CDH12: variants seen among roughly 807,000 people sequenced by gnomAD.
The protein encoded by CDH12 is cadherin-12.
A neutral mutation model predicts 74.1 loss-of-function variants in CDH12; 41 were observed. The observed-to-expected ratio is 0.55, with a 90% CI of 0.43 to 0.72. The LOEUF is 0.72. Among genes scored for constraint, CDH12 ranks in the 30% least tolerant of loss-of-function variants. The probability of loss-of-function intolerance (pLI) is 0.00; values close to 1 mark genes in which losing one functional copy is unlikely to be tolerated. For synonymous variants in CDH12, 399 were observed against 355.0 expected, an observed-to-expected ratio of 1.12 and a Z score of -1.39; for missense variants, 945 against 977.2, an observed-to-expected ratio of 0.97 and a Z score of 0.44.
intron 1 of CDH12, among the ~76,000 whole-genome samples, chr5:22,633,807 A>C (rs1280410585): frequency 1.3e-5 from 2 of 152,146 alleles, no homozygotes; most frequent in Non-Finnish European, 2.9e-5. Flanking sequence ...GGACTTCTCA[A>C]CTTCTACAAT....
intron 1 of CDH12, among the ~76,000 whole-genome samples, chr5:22,630,518 G>T (rs898175978): frequency 6.6e-6 from 1 of 152,010 alleles, no homozygotes; most frequent in Non-Finnish European, 1.5e-5. Flanking sequence ...ATCTTCAACG[G>T]TTGGCCAAAA....
rs76243310 is a variant in CDH12 at position 22,735,888 on chromosome 5, G to A, written c.-523+117170C>T. ...AATTAATCTGGAGAAGTGTCTATAC[G>A]AAAAGTTATAAGATAGTCTTTAAGA... On this transcript the variant is annotated intron_variant, in intron 1 of 14. Coordinates refer to ENST00000382254, the MANE Select transcript of CDH12 (RefSeq NM_004061.5). Among the ~76,000 whole-genome samples, 36 of 151,846 alleles carry A rather than the reference G, an allele frequency of 2.4e-4. No individual in the cohort carries two copies. In the East Asian group the frequency reaches 6.0e-3, roughly 25 times the overall value.
At chr5:22,083,605 C>T (rs1325052681) in intron 4 of CDH12, among the ~76,000 whole-genome samples, 2 of 152,048 alleles carry the variant, frequency 1.3e-5, no homozygotes, top group Non-Finnish European at 2.9e-5. Flanking sequence ...ATGTTCTATG[C>T]CTATATAACA....
At chr5:22,062,373 C>T (rs1407652858) in intron 5 of CDH12, among the ~76,000 whole-genome samples, 2 of 152,076 alleles carry the variant, frequency 1.3e-5, no homozygotes, top group Non-Finnish European at 2.9e-5. Context: ...AGCCATTTTC[C>T]TCTTAAATGT....
intron 6 of CDH12, among the ~76,000 whole-genome samples, chr5:21,974,263 A>T (rs906267827): frequency 6.6e-5 from 10 of 151,596 alleles, no homozygotes; most frequent in African/African-American, 2.2e-4. Flanking sequence ...TTTATCTTCC[A>T]AATGTAATAA....
At chr5:21,879,775 T>C (rs948879361) in intron 6 of CDH12, among the ~76,000 whole-genome samples, 2 of 152,292 alleles carry the variant, frequency 1.3e-5, no homozygotes, top group African/African-American at 2.4e-5. Flanking sequence ...AGATTACCCA[T>C]GAATTTATTT....
chr5:21,939,838 T>C (rs1449740459), intron 6 of CDH12, among the ~76,000 whole-genome samples: 2 of 152,188 alleles, frequency 1.3e-5, no homozygotes, highest in Non-Finnish European at 2.9e-5. Flanking sequence ...TGTATACACA[T>C]TTTTGCCTTG....
intron 1 of CDH12, among the ~76,000 whole-genome samples, chr5:22,823,771 C>G (rs1398596858): frequency 6.6e-6 from 1 of 151,902 alleles, no homozygotes; most frequent in Non-Finnish European, 1.5e-5. Context: ...GGCAGTTTCC[C>G]CAGGGCTTTT....
In CDH12 at chr5:22,038,459, G is replaced by T. The variant is rs191831488; in HGVS notation, c.231+39987C>A. 3.2e-3 allele frequency among the ~76,000 whole-genome samples: 486 copies of T among 152,230 alleles called. 11 individuals are homozygous for T. The highest frequency in any genetic ancestry group is 0.027 in the Admixed American group (411 of 15,288). ...CCACTGCTGCATCCTGCACATCAGG[G>T]CCCAGGCTAAAGCTGCACAACCCCT... On this transcript the variant is annotated intron_variant, in intron 5 of 14. Transcript: ENST00000382254.
chr5:22,570,303 C>T (rs938027512), intron 1 of CDH12, among the ~76,000 whole-genome samples: 12 of 152,058 alleles, frequency 7.9e-5, no homozygotes, highest in African/African-American at 2.7e-4. Context: ...CCTGCCTCGG[C>T]CTCCTGAAGT....
At chr5:22,665,966 C>G (rs1740591536) in intron 1 of CDH12, among the ~76,000 whole-genome samples, 1 of 152,032 alleles carries the variant, frequency 6.6e-6, no homozygotes, top group Non-Finnish European at 1.5e-5. Flanking sequence ...TCCCACTTGA[C>G]TCAATGTTAA....
At chr5:22,637,233 C>G (rs1738888045) in intron 1 of CDH12, among the ~76,000 whole-genome samples, 1 of 152,170 alleles carries the variant, frequency 6.6e-6, no homozygotes, top group South Asian at 2.1e-4. Flanking sequence ...CAATGTAAGG[C>G]TACAATTATT....
chr5:22,779,662 A>C (rs1344523725), intron 1 of CDH12, among the ~76,000 whole-genome samples: 1 of 151,968 alleles, frequency 6.6e-6, no homozygotes, highest in Non-Finnish European at 1.5e-5. Flanking sequence ...TTCTCATGAG[A>C]TCTGATGATT....
intron 3 of CDH12, among the ~76,000 whole-genome samples, chr5:22,266,927 G>A (rs949525976): frequency 6.6e-6 from 1 of 152,054 alleles, no homozygotes; most frequent in East Asian, 1.9e-4. Context: ...ATTTTAGAGT[G>A]TTTCTGATAC....
chr5:22,583,729 G>T (rs577087279), intron 1 of CDH12, among the ~76,000 whole-genome samples: 1 of 152,102 alleles, frequency 6.6e-6, no homozygotes, highest in Non-Finnish European at 1.5e-5. Context: ...CTGGAAAAGA[G>T]ATTTTTAAGA....
chr5:22,696,736 C>T (rs1742383974), intron 1 of CDH12, among the ~76,000 whole-genome samples: 1 of 151,988 alleles, frequency 6.6e-6, no homozygotes. Flanking sequence ...TCTTTCACAC[C>T]AATACATACT....
chr5:22,097,610 TTAAC>T (rs1743866321), intron 4 of CDH12, among the ~76,000 whole-genome samples: 1 of 152,046 alleles, frequency 6.6e-6, no homozygotes, highest in South Asian at 2.1e-4. Flanking sequence ...CTGAGACACT[TTAAC>T]TAAATTGTCT....
At chr5:22,342,615 T>A (rs992868216) in intron 3 of CDH12, among the ~76,000 whole-genome samples, 4 of 115,422 alleles carry the variant, frequency 3.5e-5, no homozygotes, top group African/African-American at 1.3e-4. Flanking sequence ...TACTTTTTTC[T>A]TTCTTTCCTT....
intron 2 of CDH12, among the ~76,000 whole-genome samples, chr5:22,456,282 C>T (rs1001185486): frequency 6.7e-6 from 1 of 150,188 alleles, no homozygotes. Flanking sequence ...GTAATCAACT[C>T]TTAATAAAGT....
Sources: allele counts gnomAD v4.1 joint callset (sites outside exome capture counted in the v4.1 genomes callset), GRCh38; gene constraint gnomAD v4.1.1; transcripts MANE v1.5; gene names NCBI Gene and HGNC (gene_info 2026-07-23, HGNC 2026-07-21).